Variants in GALNT17 observed in about 807,000 individuals in gnomAD.
The protein encoded by GALNT17 is polypeptide N-acetylgalactosaminyltransferase 17.
GALNT17 carries 29 observed loss-of-function variants against 63.7 expected under a neutral mutation model. The observed-to-expected ratio is 0.46, with a 90% CI of 0.34 to 0.62. The LOEUF is 0.62. Among genes scored for constraint, GALNT17 ranks in the 20% least tolerant of loss-of-function variants. The pLI, the probability that GALNT17 is intolerant of heterozygous loss-of-function variation, is 0.01. For synonymous variants in GALNT17, 305 were observed against 318.3 expected (o/e 0.96, Z 0.45); for missense variants, 603 against 799.6 (o/e 0.75, Z 2.97).
intron 1 of GALNT17, among the ~76,000 whole-genome samples, chr7:71,198,981 A>G (rs1012532242): frequency 6.6e-6 from 1 of 151,998 alleles, no homozygotes; most frequent in African/African-American, 2.4e-5. Context: ...GGGGCTTGAG[A>G]TTTTGCCTTT....
intron 1 of GALNT17, among the ~76,000 whole-genome samples, chr7:71,329,512 T>C (rs1791764952): frequency 6.6e-6 from 1 of 151,858 alleles, no homozygotes. Flanking sequence ...CCCGAGACTG[T>C]GTAATTTATG....
intron 1 of GALNT17, among the ~76,000 whole-genome samples, chr7:71,153,506 C>T (rs1263832389): frequency 2.6e-5 from 4 of 152,098 alleles, no homozygotes; most frequent in Non-Finnish European, 5.9e-5. Flanking sequence ...GATGGAAAGT[C>T]TGTTTTCATG....
chr7:71,442,436 T>A (rs762264494), intron 5 of GALNT17, among the ~76,000 whole-genome samples: 18 of 152,126 alleles, frequency 1.2e-4, no homozygotes, highest in Non-Finnish European at 2.1e-4. Context: ...CCTGACCTCA[T>A]GATCTGCCTG....
chr7:71,183,622 C>G (rs562906456), intron 1 of GALNT17, among the ~76,000 whole-genome samples: 4 of 152,264 alleles, frequency 2.6e-5, no homozygotes, highest in Admixed American at 6.5e-5. Context: ...CTGTAAAAAC[C>G]AACACACATT....
At chr7:71,498,333 C>T (rs576270475) in intron 5 of GALNT17, among the ~76,000 whole-genome samples, 8 of 151,920 alleles carry the variant, frequency 5.3e-5, no homozygotes, top group South Asian at 2.1e-4. Flanking sequence ...AAAAATTAGC[C>T]GGGTCTGGCG....
At chr7:71,332,903 G>A (rs993574216) in intron 1 of GALNT17, among the ~76,000 whole-genome samples, 25 of 152,238 alleles carry the variant, frequency 1.6e-4, no homozygotes, top group African/African-American at 5.5e-4. Flanking sequence ...GGCCAGGCTG[G>A]TCCCGAACTC....
chr7:71,410,604 G>A (rs1793412688), intron 3 of GALNT17, among the ~76,000 whole-genome samples: 2 of 152,188 alleles, frequency 1.3e-5, no homozygotes, highest in Admixed American at 1.3e-4. Flanking sequence ...GTCAATACTT[G>A]CTCCTGAGCA....
intron 2 of GALNT17, among the ~76,000 whole-genome samples, chr7:71,336,825 AAC>A (rs1326182324): frequency 6.6e-6 from 1 of 152,198 alleles, no homozygotes; most frequent in Non-Finnish European, 1.5e-5. Flanking sequence ...TTTATGATAG[AAC>A]AATTTATATT....
intron 1 of GALNT17, among the ~76,000 whole-genome samples, chr7:71,182,721 G>A (rs1442568450): frequency 6.6e-6 from 1 of 152,014 alleles, no homozygotes; most frequent in Admixed American, 6.6e-5. Flanking sequence ...TTGTGTCCTG[G>A]GGAGGGCAGA....
At chr7:71,537,172 C>T (rs1178447558) in intron 5 of GALNT17, among the ~76,000 whole-genome samples, 1 of 152,314 alleles carries the variant, frequency 6.6e-6, no homozygotes. Flanking sequence ...TTGTTTCCAT[C>T]CATCGATTTT....
At chr7:71,282,073 C>T (rs1390199679) in intron 1 of GALNT17, among the ~76,000 whole-genome samples, 2 of 152,186 alleles carry the variant, frequency 1.3e-5, no homozygotes, top group Non-Finnish European at 2.9e-5. Flanking sequence ...GGCTCCTGTG[C>T]CATCCCTGAA....
chr7:71,535,733 G>A (rs538241813), intron 5 of GALNT17, among the ~76,000 whole-genome samples: 2 of 152,276 alleles, frequency 1.3e-5, no homozygotes, highest in Admixed American at 6.5e-5. Flanking sequence ...TGGCTAACAT[G>A]AAATCCTTGG....
At chr7:71,642,614 T>C (rs1254294771) in intron 6 of GALNT17, among the ~76,000 whole-genome samples, 1 of 152,046 alleles carries the variant, frequency 6.6e-6, no homozygotes, top group Non-Finnish European at 1.5e-5. Flanking sequence ...GGCAGGTGGA[T>C]CACTTGAGGT....
At chr7:71,351,358 A>G (rs757116722) in intron 2 of GALNT17, among the ~76,000 whole-genome samples, 62 of 152,102 alleles carry the variant, frequency 4.1e-4, no homozygotes, top group Middle Eastern at 3.2e-3. Flanking sequence ...ATTTATTTCA[A>G]TGGGAACAAA....
chr7:71,467,079 A>G (rs1278987505), intron 5 of GALNT17, among the ~76,000 whole-genome samples: 2 of 152,170 alleles, frequency 1.3e-5, no homozygotes, highest in Non-Finnish European at 2.9e-5. Flanking sequence ...ATGGCCTCTG[A>G]CATTGGTGGG....
intron 9 of GALNT17, 50 bp downstream of exon 9, chr7:71,677,356 C>G (rs939174190): frequency 1.3e-6 from 2 of 1,550,264 alleles, no homozygotes; most frequent in Non-Finnish European, 1.8e-6. Flanking sequence ...CATCTCCGAC[C>G]CACAGAGGCC....
At chr7:71,221,544 G>A (rs529136189) in intron 1 of GALNT17, among the ~76,000 whole-genome samples, 11 of 151,914 alleles carry the variant, frequency 7.2e-5, no homozygotes, top group African/African-American at 2.2e-4. Context: ...ACTTCTGTTC[G>A]TGTTGCCTGT....
chr7:71,450,030 C>T (rs1215435775), intron 5 of GALNT17, among the ~76,000 whole-genome samples: 4 of 100,834 alleles, frequency 4.0e-5, no homozygotes, highest in Admixed American at 1.2e-4. Context: ...CAACAAAGAG[C>T]GAAACTCCCT....
At chr7:71,165,950 C>CT (rs71080430) in intron 1 of GALNT17, among the ~76,000 whole-genome samples, 45,025 of 149,518 alleles carry the variant, frequency 0.3, 9,046 homozygotes, top group African/African-American at 0.58. Context: ...GAAAGCTGCT[C>CT]TTTTTTTTTT....
Sources: gnomAD v4.1 joint callset for allele counts (sites outside exome capture counted in the v4.1 genomes callset) on GRCh38, gnomAD v4.1.1 for gene constraint, MANE v1.5 for transcripts, NCBI Gene and HGNC (gene_info 2026-07-23, HGNC 2026-07-21) for gene names.